Variants in SLC5A6 observed in about 807,000 individuals in gnomAD.
The protein encoded by SLC5A6 is solute carrier family 5 member 6.
A neutral mutation model predicts 67.9 loss-of-function variants in SLC5A6; 31 were observed. That is an observed-to-expected ratio of 0.46 (90% CI 0.34 to 0.62). SLC5A6 has a LOEUF of 0.62. Among genes scored for constraint, SLC5A6 ranks in the 20% least tolerant of loss-of-function variants. The pLI is 0.01. For synonymous variants in SLC5A6, 343 were observed against 331.0 expected (o/e 1.04, Z -0.39); for missense variants, 673 against 812.8 (o/e 0.83, Z 2.09).
At chr2:27,206,614 T>C (rs1010745824) in intron 4 of SLC5A6, 80 bp from the exon 5 acceptor site, 16 of 1,328,922 alleles carry the variant, frequency 1.2e-5, no homozygotes, top group Non-Finnish European at 1.5e-5. Context: ...TCAGCGCCAA[T>C]ATGCCCATGG....
Position 27,201,859 on chromosome 2 carries a change from C to T in SLC5A6, c.1363-12G>A. ...CCCACAACAGCACCCTGCCGAGACACAGTGCAGGCCTGTCACAAGGCCAGT... is the reference window on the plus strand; with the variant it reads ...CCCACAACAGCACCCTGCCGAGACATAGTGCAGGCCTGTCACAAGGCCAGT... On this transcript the variant is annotated splice_polypyrimidine_tract_variant and intron_variant, in intron 13 of 16. Transcript: ENST00000310574. 6.2e-7 allele frequency: 1 copy of T among 1,612,022 alleles called. No individual in the cohort carries two copies. The highest frequency in any genetic ancestry group is 1.1e-5 in the South Asian group (1 of 91,054).
Position 27,206,867 on chromosome 2 carries a change from T to C in SLC5A6, c.459+10A>G, listed in dbSNP as rs761029822. On this transcript the variant is annotated intron_variant, in intron 4 of 16. Transcript: ENST00000310574. ...GCCCTAGGCTCGGTTTCTATCCTCA[T>C]TCTGCTTACCATCTGAAAGATGAAG... 18 of 1,609,648 alleles carry C rather than the reference T, an allele frequency of 1.1e-5. No individual in the cohort carries two copies. The highest frequency in any genetic ancestry group is 1.5e-5 in the Non-Finnish European group (18 of 1,175,832).
Position 27,201,332 on chromosome 2 carries a change from G to A in SLC5A6, c.1648+18C>T, listed in dbSNP as rs200415509. The A allele has an allele frequency of 7.8e-6, 12 of 1,542,184 alleles. No homozygotes were observed. The highest frequency in any genetic ancestry group is 1.7e-5 in the Admixed American group (1 of 59,850). ...TAACCCCTCGGTGCTCATCTGCACC[G>A]CAATCCCACACCCTTACCAGTGAGT... On this transcript the variant is annotated intron_variant, in intron 15 of 16. Coordinates refer to ENST00000310574, the MANE Select transcript of SLC5A6 (RefSeq NM_021095.4).
intron 16 of SLC5A6, 39 bp downstream of exon 16, chr2:27,200,956 TGGA>T (rs745813153): frequency 2.7e-5 from 35 of 1,289,036 alleles, no homozygotes; most frequent in Non-Finnish European, 3.9e-5. Flanking sequence ...GTGGCATCTG[TGGA>T]GAAGGGCAGG....
chr2:27,208,592 C>T (rs1289624739), intron 2 of SLC5A6: 1 of 152,858 alleles, frequency 6.5e-6, no homozygotes. Flanking sequence ...GTGGTCGTAT[C>T]CTGCTGGGGA....
chr2:27,203,677 T>G (rs1009561627), intron 10 of SLC5A6, 102 bp downstream of exon 10: 1 of 867,888 alleles, frequency 1.2e-6, no homozygotes, highest in Non-Finnish European at 1.9e-6. Context: ...AGTGAGAAAC[T>G]TAGAGGGATT....
upstream of SLC5A6, chr2:27,212,596 C>T (rs139490556): frequency 3.1e-5 from 45 of 1,446,344 alleles, no homozygotes; most frequent in Non-Finnish European, 3.1e-5. Flanking sequence ...CTTCCCGACC[C>T]TGCCCAGCCA....
intron 12 of SLC5A6, among the ~76,000 whole-genome samples, chr2:27,202,294 G>C (rs565516632): frequency 6.6e-6 from 1 of 151,986 alleles, no homozygotes; most frequent in African/African-American, 2.4e-5. Flanking sequence ...CTGAGGTCAG[G>C]AGCTCCAGAC....
At chr2:27,204,698 G>A in intron 8 of SLC5A6, 93 bp downstream of exon 8, 1 of 1,594,174 alleles carries the variant, frequency 6.3e-7, no homozygotes, top group Non-Finnish European at 8.6e-7. Context: ...CAGTGGATGT[G>A]TATGCACTCT....
At position 27,204,566 on chromosome 2, in the gene SLC5A6, G is replaced by C; in HGVS notation, c.900C>G (p.Phe300Leu). The C allele has an allele frequency of 6.2e-7, 1 of 1,614,108 alleles. No individual in the cohort carries two copies. Among genetic ancestry groups the C allele is most frequent in the Non-Finnish European group, 8.5e-7 (1 of 1,179,972 alleles). ...AGCCCACGCAGAGGGACACCTGCTG[G>C]AAGGGGAACACTGCATAACAGGAGC... ...AVLSCYAVFP[F>L]QQVSLCVGCL... Residue 300 changes from phenylalanine (F) to leucine (L), a missense_variant, in exon 9 of 17, where the codon TTC becomes TTG. Coordinates refer to ENST00000310574, the MANE Select transcript of SLC5A6 (RefSeq NM_021095.4).
At position 27,207,201 on chromosome 2, in the gene SLC5A6, C is replaced by A; in HGVS notation, c.393+57G>T. The A allele has an allele frequency of 6.3e-7, 1 of 1,576,762 alleles. No homozygotes were observed. Among genetic ancestry groups the A allele is most frequent in the Non-Finnish European group, 8.7e-7 (1 of 1,155,284 alleles). On this transcript the variant is annotated intron_variant, in intron 3 of 16. Transcript: ENST00000310574. The surrounding 1 kb of genome is among the most constrained non-coding windows in gnomAD (Gnocchi z 5.5). ...TCCCAGGTCCTTCCTATGTGCCTGT[C>A]CCTCCTCTCCACCCCAACCCGTGTC...
At position 27,205,427 on chromosome 2, in the gene SLC5A6, A is replaced by G. The variant is rs1275524; in HGVS notation, c.657T>C (p.Ile219=). The G allele has an allele frequency of 1, 1,613,727 of 1,614,164 alleles. 806,645 individuals carry two copies. Among genetic ancestry groups the G allele is most frequent in the Non-Finnish European group, 1 (1,180,013 of 1,180,030 alleles). The change falls in exon 7 of 17, where the codon ATT becomes ATC. Residue 219 remains isoleucine, a synonymous_variant. Coordinates refer to ENST00000310574, the MANE Select transcript of SLC5A6 (RefSeq NM_021095.4). Reference sequence around the variant, plus strand: ...AGCCGCCCACCTTGGCTGACCCCACAATGATAACTGCCAGCTGCCCGAGGA... The same window carrying G: ...AGCCGCCCACCTTGGCTGACCCCACGATGATAACTGCCAGCTGCCCGAGGA... ...VMFLGQLAVI[I]VGSAKVGGLG...
rs893111364 is a variant in SLC5A6, at chr2:27,200,434, C to T, written c.*2G>A. 20 of 1,607,816 alleles carry T rather than the reference C, an allele frequency of 1.2e-5. No homozygotes were observed. The highest frequency in any genetic ancestry group is 3.4e-5 in the Admixed American group (2 of 59,470). On this transcript the variant is annotated 3_prime_UTR_variant, in exon 17 of 17. Transcript: ENST00000310574. ...GGACAGAGGCGGGGTCCTGAGTCAA[C>T]ATCACAGGGAGGTCTCCTGGAGGAT...
Position 27,200,990 on chromosome 2 carries a change from G to A in SLC5A6, c.1764+8C>T, listed in dbSNP as rs1490670160. ...GCAGGGAGGGGTCACTTGGACAGCA[G>A]GTACTACCTGGCCGTAGCTCCTGCA... On this transcript the variant is annotated splice_region_variant and intron_variant, in intron 16 of 16. Transcript: ENST00000310574. 7 of 1,583,264 alleles carry A rather than the reference G, an allele frequency of 4.4e-6. No individual in the cohort carries two copies. The highest frequency in any genetic ancestry group is 1.1e-5 in the South Asian group (1 of 89,712).
At position 27,205,370 on chromosome 2, in the gene SLC5A6, G is replaced by C; in HGVS notation, c.714C>G (p.His238Gln). 12 of 1,614,074 alleles carry C rather than the reference G, an allele frequency of 7.4e-6. No homozygotes were observed. The highest frequency in any genetic ancestry group is 1.0e-5 in the Non-Finnish European group (12 of 1,180,004). The change falls in exon 7 of 17, where the codon CAC becomes CAG. Residue 238 changes from histidine (H) to glutamine (Q), a missense_variant. Transcript: ENST00000310574. Reference sequence around the variant, plus strand: ...CTTACTCAAACCCAGAGATGCGGCCGTGCTGGGAAGCCACGGCCCACACAC... The same window carrying C: ...CTTACTCAAACCCAGAGATGCGGCCCTGCTGGGAAGCCACGGCCCACACAC... ...LGRVWAVASQ[H>Q]GRISGFELDP...
At position 27,204,600 on chromosome 2, in the gene SLC5A6, A is replaced by G. The variant is rs1444005034; in HGVS notation, c.876-10T>C. The G allele has an allele frequency of 6.2e-7, 1 of 1,613,748 alleles. No homozygotes were observed. Among genetic ancestry groups the G allele is most frequent in the Non-Finnish European group, 8.5e-7 (1 of 1,179,750 alleles). On this transcript the variant is annotated splice_polypyrimidine_tract_variant and intron_variant, in intron 8 of 16. Coordinates refer to ENST00000310574, the MANE Select transcript of SLC5A6 (RefSeq NM_021095.4). The stretch of plus-strand genomic sequence containing the variant: ...CACTGCATAACAGGAGCTGCAAAAG[A>G]GGTCAGTGCCAGGAGGAGAGCCGGC...
chr2:27,212,544 C>T (rs1445037842), upstream of SLC5A6: 10 of 1,499,892 alleles, frequency 6.7e-6, no homozygotes, highest in Admixed American at 1.3e-4. Context: ...GCGGCTCCCC[C>T]TTCTCCTCGG....
rs201195587 is a variant in SLC5A6 at position 27,212,228 on chromosome 2, G to A, written c.-416C>T. ...CATGAAGACCAGCGCAGAGCTCCAC[G>A]AGCAGGAAAAGCCCCCAAGCAGCCC... On this transcript the variant is annotated 5_prime_UTR_variant, in exon 1 of 17. Coordinates refer to ENST00000310574, the MANE Select transcript of SLC5A6 (RefSeq NM_021095.4). 6.9e-5 allele frequency: 108 copies of A among 1,560,690 alleles called. No homozygotes were observed. The highest frequency in any genetic ancestry group is 3.7e-4 in the Admixed American group (19 of 51,236).
chr2:27,209,795 C>T (rs997219124), intron 2 of SLC5A6, among the ~76,000 whole-genome samples: 1 of 152,200 alleles, frequency 6.6e-6, no homozygotes, highest in Non-Finnish European at 1.5e-5. Context: ...TGGCCTCATG[C>T]AGACTAAACC....
Sources: gnomAD v4.1 joint callset for allele counts (sites outside exome capture counted in the v4.1 genomes callset) on GRCh38, gnomAD v4.1.1 for gene constraint, Gnocchi (gnomAD v3.1) non-coding constraint, MANE v1.5 for transcripts, NCBI Gene and HGNC (gene_info 2026-07-23, HGNC 2026-07-21) for gene names.